DCLK1: variants seen among roughly 807,000 people sequenced by gnomAD.
The protein encoded by DCLK1 is doublecortin like kinase 1.
Under a neutral mutation model 86.2 loss-of-function variants are expected in DCLK1, and 16 were observed. The ratio of observed to expected loss-of-function variants is 0.19; its 90% CI spans 0.13 to 0.28. The LOEUF is 0.28. Among genes scored for constraint, DCLK1 ranks in the 10% least tolerant of loss-of-function variants. The probability of loss-of-function intolerance (pLI) is 1.00; values close to 1 mark genes in which losing one functional copy is unlikely to be tolerated. For missense variants in DCLK1, 590 were observed against 940.2 expected (o/e 0.63, Z 4.87); for synonymous variants, 369 against 370.5 (o/e 1.00, Z 0.05).
At chr13:35,776,251 G>A (rs1156598065) in intron 16 of DCLK1, among the ~76,000 whole-genome samples, 1 of 152,026 alleles carries the variant, frequency 6.6e-6, no homozygotes, top group Non-Finnish European at 1.5e-5. Flanking sequence ...TACGACACAT[G>A]GTATTTTGCT....
intron 3 of DCLK1, among the ~76,000 whole-genome samples, chr13:36,079,525 G>A (rs913906827): frequency 6.6e-6 from 1 of 152,030 alleles, no homozygotes; most frequent in African/African-American, 2.4e-5. Context: ...CCAGCTACTT[G>A]GGAGGCTGAG....
At chr13:35,936,177 A>T (rs182645902) in intron 4 of DCLK1, among the ~76,000 whole-genome samples, 2 of 152,286 alleles carry the variant, frequency 1.3e-5, no homozygotes, top group African/African-American at 4.8e-5. Context: ...AAAAATGTCA[A>T]ATGCTACCAA....
chr13:35,847,431 C>T (rs1288159038), intron 6 of DCLK1: 8 of 985,010 alleles, frequency 8.1e-6, no homozygotes, highest in Non-Finnish European at 7.2e-6. Context: ...CTTACAGAAG[C>T]ATACCCACAT....
intron 4 of DCLK1, among the ~76,000 whole-genome samples, chr13:35,930,098 T>C (rs530377987): frequency 1.3e-5 from 2 of 152,320 alleles, no homozygotes; most frequent in South Asian, 4.1e-4. Flanking sequence ...TCACATATAC[T>C]ATTTTCCACA....
chr13:36,093,056 C>T (rs928168336), intron 3 of DCLK1, among the ~76,000 whole-genome samples: 9 of 152,104 alleles, frequency 5.9e-5, no homozygotes, highest in Non-Finnish European at 1.0e-4. Flanking sequence ...AAAATAATAA[C>T]AATACTTCAA....
At chr13:36,007,556 G>T (rs1346395411) in intron 3 of DCLK1, among the ~76,000 whole-genome samples, 1 of 152,184 alleles carries the variant, frequency 6.6e-6, no homozygotes, top group Non-Finnish European at 1.5e-5. Context: ...TAGTCTTAAA[G>T]AAGAGCAACA....
At chr13:35,856,286 A>G (rs935944105) in intron 5 of DCLK1, among the ~76,000 whole-genome samples, 1 of 152,168 alleles carries the variant, frequency 6.6e-6, no homozygotes, top group Admixed American at 6.5e-5. Flanking sequence ...ACCTCATCAC[A>G]TTAGACTTCC....
In DCLK1 at chr13:35,822,875, CCT is replaced by C; in HGVS notation, c.1408-2_1408-1del. ...GTAATGGCATCAAAAAGGTCTCCCCCCTGAGAAGAGAACAGAAGCTGAAGCAG... is the reference window on the plus strand; with the variant it reads ...GTAATGGCATCAAAAAGGTCTCCCCCGAGAAGAGAACAGAAGCTGAAGCAG... On this transcript the variant is annotated splice_acceptor_variant, in intron 10 of 16. Transcript: ENST00000360631. LOFTEE classifies it high-confidence loss of function. 6.2e-7 allele frequency: 1 copy of C among 1,613,750 alleles called. No homozygotes were observed. Among genetic ancestry groups the C allele is most frequent in the Non-Finnish European group, 8.5e-7 (1 of 1,179,938 alleles).
chr13:35,859,762 C>T (rs1871277868), intron 5 of DCLK1, among the ~76,000 whole-genome samples: 1 of 152,138 alleles, frequency 6.6e-6, no homozygotes, highest in Admixed American at 6.5e-5. Flanking sequence ...TCTTATTGCT[C>T]CCTGTCCCCA....
chr13:35,808,412 C>T (rs969704421), intron 13 of DCLK1, 92 bp from the exon 14 acceptor site: 166 of 1,027,542 alleles, frequency 1.6e-4, no homozygotes, highest in Non-Finnish European at 2.4e-4. Context: ...CCCTTCCTTT[C>T]CCCCCATAAA....
chr13:35,914,648 C>T (rs1044328210), intron 4 of DCLK1, among the ~76,000 whole-genome samples: 3 of 149,978 alleles, frequency 2.0e-5, no homozygotes, highest in African/African-American at 4.9e-5. Flanking sequence ...CTGGAGAGGT[C>T]AGGGCTGCAG....
chr13:35,912,524 G>A (rs1399846570), intron 4 of DCLK1, among the ~76,000 whole-genome samples: 1 of 152,158 alleles, frequency 6.6e-6, no homozygotes, highest in Non-Finnish European at 1.5e-5. Flanking sequence ...TTGGAGGACA[G>A]ACGGCTTAAC....
At chr13:35,845,002 C>T (rs1379626043) in intron 6 of DCLK1, among the ~76,000 whole-genome samples, 1 of 152,186 alleles carries the variant, frequency 6.6e-6, no homozygotes, top group African/African-American at 2.4e-5. Flanking sequence ...AATCCCAGCA[C>T]TTTGGGAGGC....
At chr13:35,867,189 TAGTC>T (rs1871856711) in intron 5 of DCLK1, among the ~76,000 whole-genome samples, 1 of 152,196 alleles carries the variant, frequency 6.6e-6, no homozygotes, top group African/African-American at 2.4e-5. Context: ...AATCAAGAGA[TAGTC>T]AGTGCATATA....
chr13:36,048,796 A>G (rs966409471), intron 3 of DCLK1, among the ~76,000 whole-genome samples: 2 of 152,158 alleles, frequency 1.3e-5, no homozygotes, highest in African/African-American at 4.8e-5. Flanking sequence ...GTGCAAGTTT[A>G]CGACTGCCAT....
At chr13:35,806,219 G>A (rs916676106) in intron 14 of DCLK1, among the ~76,000 whole-genome samples, 5 of 151,922 alleles carry the variant, frequency 3.3e-5, no homozygotes, top group Non-Finnish European at 5.9e-5. Flanking sequence ...ATTTCAAGAC[G>A]GCATACTTAG....
chr13:35,988,050 G>A (rs1463155554), intron 3 of DCLK1, among the ~76,000 whole-genome samples: 3 of 151,982 alleles, frequency 2.0e-5, no homozygotes, highest in African/African-American at 7.2e-5. Context: ...CCCCACTTTT[G>A]GACATTTCTT....
At chr13:35,906,012 T>C (rs1362203228) in intron 4 of DCLK1, among the ~76,000 whole-genome samples, 2 of 152,200 alleles carry the variant, frequency 1.3e-5, no homozygotes, top group Non-Finnish European at 2.9e-5. Context: ...GGAAACAAAC[T>C]GATCCGAATT....
At chr13:35,897,424 G>T (rs1387085903) in intron 4 of DCLK1, among the ~76,000 whole-genome samples, 1 of 152,114 alleles carries the variant, frequency 6.6e-6, no homozygotes, top group Non-Finnish European at 1.5e-5. Context: ...GGTAAGACTG[G>T]CTGGATCAGA....
Sources: gnomAD v4.1 joint callset for allele counts (sites outside exome capture counted in the v4.1 genomes callset) on GRCh38, gnomAD v4.1.1 for gene constraint, MANE v1.5 for transcripts, NCBI Gene and HGNC (gene_info 2026-07-23, HGNC 2026-07-21) for gene names.